The following OLFML1 variants were observed in gnomAD, a reference collection of about 807,000 sequenced individuals.
OLFML1 encodes olfactomedin like 1, also known as olfactomedin-like protein 1.
A neutral mutation model predicts 37.3 loss-of-function variants in OLFML1; 33 were observed. The ratio of observed to expected loss-of-function variants is 0.88; its 90% CI spans 0.67 to 1.18. The LOEUF is 1.18. Ranked by LOEUF, OLFML1 falls within the 50% of genes most tolerant of loss-of-function variation. OLFML1 has a pLI of 0.00. For missense variants in OLFML1, 545 were observed against 483.7 expected, an observed-to-expected ratio of 1.13 and a Z score of -1.19; for synonymous variants, 186 against 181.3, an observed-to-expected ratio of 1.03 and a Z score of -0.21.
At chr11:7,499,604 C>T (rs932967965) in intron 2 of OLFML1, among the ~76,000 whole-genome samples, 4 of 152,184 alleles carry the variant, frequency 2.6e-5, no homozygotes, top group African/African-American at 9.7e-5. Flanking sequence ...TGGGGAGACA[C>T]ATAGAGCCAA....
In OLFML1 at chr11:7,485,944, G is replaced by A. The variant is rs574481218; in HGVS notation, c.69G>A (p.Pro23=). The A allele has an allele frequency of 2.5e-5, 41 of 1,613,814 alleles. No homozygotes were observed. The highest frequency in any genetic ancestry group is 2.0e-4 in the Admixed American group (12 of 59,988). Residue 23 remains proline (P), a synonymous_variant, in exon 1 of 3, where the codon CCG becomes CCA. Coordinates refer to ENST00000329293, the MANE Select transcript of OLFML1 (RefSeq NM_198474.4). ...TCCTTGCAGCTTTTCTGCCCCCGCC[G>A]CAGTGTACCCAGGACCCAGCCATGG... The part of the protein sequence containing the change: ...VLFLAAFLPP[P]QCTQDPAMVH...
At chr11:7,507,128 A>T (rs1294283067) in intron 2 of OLFML1, among the ~76,000 whole-genome samples, 1 of 152,226 alleles carries the variant, frequency 6.6e-6, no homozygotes, top group Non-Finnish European at 1.5e-5. Context: ...ACAAAGCATG[A>T]ATACTAAAAA....
At chr11:7,490,740 T>C (rs1848585349) in intron 2 of OLFML1, among the ~76,000 whole-genome samples, 1 of 152,186 alleles carries the variant, frequency 6.6e-6, no homozygotes, top group Admixed American at 6.5e-5. Context: ...AATCAGCCAA[T>C]ACTTGTTGCC....
At chr11:7,506,302 T>A (rs1212153951) in intron 2 of OLFML1, among the ~76,000 whole-genome samples, 1 of 152,096 alleles carries the variant, frequency 6.6e-6, no homozygotes, top group Non-Finnish European at 1.5e-5. Context: ...CAGGAAAGGA[T>A]GAGATCACAG....
chr11:7,493,588 C>T (rs1002520740), intron 2 of OLFML1, among the ~76,000 whole-genome samples: 7 of 152,174 alleles, frequency 4.6e-5, no homozygotes, highest in African/African-American at 4.8e-5. Context: ...ACATTGGAGG[C>T]GCATGTAGAG....
chr11:7,506,418 G>A (rs1202819201), intron 2 of OLFML1, among the ~76,000 whole-genome samples: 1 of 152,170 alleles, frequency 6.6e-6, no homozygotes, highest in Non-Finnish European at 1.5e-5. Flanking sequence ...TTATAAGTGA[G>A]GAGAGGAAGT....
intron 2 of OLFML1, among the ~76,000 whole-genome samples, chr11:7,496,525 A>G (rs2134180401): frequency 6.6e-6 from 1 of 152,332 alleles, no homozygotes; most frequent in East Asian, 1.9e-4. Context: ...CAGGCCCTAG[A>G]CCATCACATG....
intron 2 of OLFML1, among the ~76,000 whole-genome samples, chr11:7,499,325 T>C (rs1590061011): frequency 6.6e-6 from 1 of 152,344 alleles, no homozygotes; most frequent in East Asian, 1.9e-4. Flanking sequence ...AATTTGCATC[T>C]TGGCTGGACC....
At chr11:7,504,178 C>A (rs1380171477) in intron 2 of OLFML1, among the ~76,000 whole-genome samples, 1 of 151,842 alleles carries the variant, frequency 6.6e-6, no homozygotes, top group African/African-American at 2.4e-5. Flanking sequence ...ATAAAGGCAG[C>A]AAGGGAGGAA....
intron 2 of OLFML1, among the ~76,000 whole-genome samples, chr11:7,506,607 G>A (rs573788163): frequency 3.3e-4 from 50 of 152,222 alleles, no homozygotes; most frequent in Admixed American, 7.8e-4. Flanking sequence ...AGCTGACATC[G>A]GAGACCCCTT....
At chr11:7,504,256 T>C (rs577992560) in intron 2 of OLFML1, among the ~76,000 whole-genome samples, 1 of 152,072 alleles carries the variant, frequency 6.6e-6, no homozygotes, top group African/African-American at 2.4e-5. Flanking sequence ...AGGAGTGTGT[T>C]TGGTACAATC....
At chr11:7,505,632 A>T (rs1289420653) in intron 2 of OLFML1, among the ~76,000 whole-genome samples, 1 of 152,180 alleles carries the variant, frequency 6.6e-6, no homozygotes, top group Non-Finnish European at 1.5e-5. Flanking sequence ...AGAGTTTGAG[A>T]CTAGCCTGGG....
chr11:7,492,255 T>C (rs1209608200), intron 2 of OLFML1, among the ~76,000 whole-genome samples: 1 of 152,180 alleles, frequency 6.6e-6, no homozygotes, highest in Non-Finnish European at 1.5e-5. Flanking sequence ...CCATGGCCTC[T>C]AGAGACTGTG....
At chr11:7,501,763 C>G (rs899117951) in intron 2 of OLFML1, among the ~76,000 whole-genome samples, 2 of 152,126 alleles carry the variant, frequency 1.3e-5, no homozygotes, top group African/African-American at 4.8e-5. Flanking sequence ...TTAAGATAGG[C>G]CTGCAGTCAG....
chr11:7,487,415 G>C (rs1166486259), intron 1 of OLFML1, among the ~76,000 whole-genome samples: 4 of 152,176 alleles, frequency 2.6e-5, no homozygotes, highest in South Asian at 2.1e-4. Context: ...TTGTTGTTTG[G>C]AGCATACATT....
Position 7,488,200 on chromosome 11 carries a change from C to G in OLFML1, c.203C>G (p.Ser68Cys), listed in dbSNP as rs1372247895. ...TTCCAAGAGTTCTCAAAAAATATATCTGTCATGCTGGGAAGATGTCAGACC... is the reference window on the plus strand; with the variant it reads ...TTCCAAGAGTTCTCAAAAAATATATGTGTCATGCTGGGAAGATGTCAGACC... ...QEFQEFSKNI[S>C]VMLGRCQTYT... Residue 68 changes from serine (S) to cysteine (C), a missense_variant, in exon 2 of 3, where the codon TCT becomes TGT. Coordinates refer to ENST00000329293, the MANE Select transcript of OLFML1 (RefSeq NM_198474.4). 6.2e-7 allele frequency: 1 copy of G among 1,613,570 alleles called. No homozygotes were observed. Among genetic ancestry groups the G allele is most frequent in the Non-Finnish European group, 8.5e-7 (1 of 1,179,734 alleles).
At chr11:7,503,682 A>C (rs1848749245) in intron 2 of OLFML1, among the ~76,000 whole-genome samples, 1 of 152,184 alleles carries the variant, frequency 6.6e-6, no homozygotes, top group Admixed American at 6.5e-5. Context: ...AGGATGGATG[A>C]TTTACTGAAT....
At chr11:7,488,095 C>T (rs979066982) in intron 1 of OLFML1, 32 bp from the exon 2 acceptor site, 2 of 1,531,484 alleles carry the variant, frequency 1.3e-6, no homozygotes, top group Non-Finnish European at 8.9e-7. Context: ...AAATAACAAG[C>T]AATAATTTGC....
In OLFML1 at chr11:7,488,269, G is replaced by A; in HGVS notation, c.272G>A (p.Arg91Lys). ...YKSAVGNLAL[R>K]VERAQREIDY... Reference sequence around the variant, plus strand: ...AGTGCAGTGGGTAACTTGGCACTGAGAGTTGAACGTGCCCAACGGGAGATT... The same window carrying A: ...AGTGCAGTGGGTAACTTGGCACTGAAAGTTGAACGTGCCCAACGGGAGATT... The change falls in exon 2 of 3, where the codon AGA (arginine) becomes AAA (lysine). Residue 91 changes from arginine to lysine, a missense_variant. Transcript: ENST00000329293. 6.2e-7 allele frequency: 1 copy of A among 1,614,086 alleles called. No individual in the cohort carries two copies. The highest frequency in any genetic ancestry group is 1.1e-5 in the South Asian group (1 of 91,076).
Sources: allele counts gnomAD v4.1 joint callset (sites outside exome capture counted in the v4.1 genomes callset), GRCh38; gene constraint gnomAD v4.1.1; transcripts MANE v1.5; gene names NCBI Gene and HGNC (gene_info 2026-07-23, HGNC 2026-07-21).